Variants in LRP1B observed in about 807,000 individuals in gnomAD.
LRP1B encodes the protein low-density lipoprotein receptor-related protein 1B.
A neutral mutation model predicts 556.6 loss-of-function variants in LRP1B; 217 were observed. The ratio of observed to expected loss-of-function variants is 0.39; its 90% CI spans 0.35 to 0.44. LRP1B has a LOEUF of 0.44. Ranked by LOEUF, LRP1B falls within the 20% of genes least tolerant of loss-of-function variation. The pLI is 1.00. For synonymous variants in LRP1B, 2,047 were observed against 1,865.8 expected (o/e 1.10, Z -2.50); for missense variants, 5,053 against 5,620.8 (o/e 0.90, Z 3.23).
intron 41 of LRP1B, among the ~76,000 whole-genome samples, chr2:140,613,370 A>AATATATATATATTTATATACATATAAAT (rs796568812): frequency 3.5e-5 from 3 of 84,732 alleles, no homozygotes; most frequent in Non-Finnish European, 8.8e-5. Flanking sequence ...TATAAATATA[A>AATATATATATATTTATATACATATAAAT]ATATATATAA....
At chr2:140,624,241 C>A (rs946269644) in intron 41 of LRP1B, among the ~76,000 whole-genome samples, 4 of 151,954 alleles carry the variant, frequency 2.6e-5, no homozygotes, top group Non-Finnish European at 4.4e-5. Flanking sequence ...TTTAGGCCTA[C>A]TCACAAGGCA....
chr2:140,796,374 C>T (rs975719386), intron 32 of LRP1B, among the ~76,000 whole-genome samples: 6 of 151,940 alleles, frequency 3.9e-5, no homozygotes, highest in Admixed American at 2.0e-4. Flanking sequence ...AAGTAATTAG[C>T]ATTAAGAGGA....
At chr2:140,582,561 T>C (rs1180878093) in intron 43 of LRP1B, among the ~76,000 whole-genome samples, 2 of 152,164 alleles carry the variant, frequency 1.3e-5, no homozygotes, top group African/African-American at 4.8e-5. Context: ...CCCGTCCTTA[T>C]ACAAGAGCCT....
chr2:140,976,302 CCT>C (rs1256073256), intron 18 of LRP1B, among the ~76,000 whole-genome samples: 6 of 151,922 alleles, frequency 3.9e-5, no homozygotes, highest in East Asian at 1.9e-4. Flanking sequence ...CCTCTACTGT[CCT>C]CTCTTTTCTC....
chr2:141,462,874 A>G (rs867527358), intron 3 of LRP1B, among the ~76,000 whole-genome samples: 1 of 152,210 alleles, frequency 6.6e-6, no homozygotes, highest in Non-Finnish European at 1.5e-5. Context: ...TTAAGTATGA[A>G]TGGCTATTAT....
intron 41 of LRP1B, among the ~76,000 whole-genome samples, chr2:140,631,267 G>T (rs960061432): frequency 6.6e-6 from 1 of 152,058 alleles, no homozygotes; most frequent in South Asian, 2.1e-4. Flanking sequence ...ACAAAAATTT[G>T]CATGACATGC....
intron 1 of LRP1B, among the ~76,000 whole-genome samples, chr2:142,125,539 C>T (rs1246602812): frequency 6.6e-6 from 1 of 151,784 alleles, no homozygotes; most frequent in Non-Finnish European, 1.5e-5. Flanking sequence ...GAGATATTTT[C>T]ATTTTTTGTC....
chr2:141,797,267 C>CA (rs957280968), intron 2 of LRP1B, among the ~76,000 whole-genome samples: 20 of 141,192 alleles, frequency 1.4e-4, no homozygotes, highest in East Asian at 4.1e-4. Flanking sequence ...AAATCTCAGG[C>CA]AAAAAAAAAT....
chr2:140,350,321 T>G (rs971623482), intron 77 of LRP1B, among the ~76,000 whole-genome samples: 2 of 152,068 alleles, frequency 1.3e-5, no homozygotes, highest in African/African-American at 4.8e-5. Flanking sequence ...TCCTGAAATA[T>G]AGTTATCAGG....
chr2:140,854,766 C>T (rs2105128357), intron 27 of LRP1B, among the ~76,000 whole-genome samples: 1 of 152,142 alleles, frequency 6.6e-6, no homozygotes, highest in South Asian at 2.1e-4. Context: ...CAATAAAAAC[C>T]ACATGGCCCA....
intron 26 of LRP1B, 71 bp from the exon 27 acceptor site, chr2:140,867,905 C>A (rs2105154877): frequency 7.0e-7 from 1 of 1,423,682 alleles, no homozygotes; most frequent in East Asian, 2.4e-5. Context: ...AATCATGTAA[C>A]TCAGCTAAAT....
intron 7 of LRP1B, among the ~76,000 whole-genome samples, chr2:141,096,673 A>AGAGAGAGG (rs1700326449): frequency 1.5e-5 from 2 of 130,440 alleles, no homozygotes; most frequent in Non-Finnish European, 3.3e-5. Context: ...AGAGAGAGAG[A>AGAGAGAGG]GAGAGAGAGA....
intron 43 of LRP1B, among the ~76,000 whole-genome samples, chr2:140,554,313 A>G (rs1286626129): frequency 6.8e-6 from 1 of 146,292 alleles, no homozygotes; most frequent in African/African-American, 2.7e-5. Flanking sequence ...TTATATTTTT[A>G]TTTTCTTGCC....
intron 7 of LRP1B, among the ~76,000 whole-genome samples, chr2:141,181,057 T>C (rs1314317689): frequency 6.6e-6 from 1 of 151,990 alleles, no homozygotes; most frequent in African/African-American, 2.4e-5. Context: ...TTTTCATTTG[T>C]TAATGGTAAA....
At chr2:141,285,010 A>G (rs1685651856) in intron 3 of LRP1B, among the ~76,000 whole-genome samples, 1 of 152,148 alleles carries the variant, frequency 6.6e-6, no homozygotes, top group African/African-American at 2.4e-5. Context: ...TTAACATTGT[A>G]TTCAGGGACT....
rs377352035 is a variant in LRP1B, at chr2:140,247,153, G to C, written c.13257C>G (p.Thr4419=). Residue 4419 remains threonine, a synonymous_variant, in exon 87 of 91, where the codon ACC becomes ACG. Transcript: ENST00000389484. ...ETNVPVCLCS[T]NWSGTQCERP... ...TTTCACACTGTGTGCCTGACCAGTTGGTGGAGCATCTAAAAATATCCAAAC... is the reference window on the plus strand; with the variant it reads ...TTTCACACTGTGTGCCTGACCAGTTCGTGGAGCATCTAAAAATATCCAAAC... The C allele has an allele frequency of 2.5e-5, 40 of 1,607,804 alleles. No individual in the cohort carries two copies. In the African/African-American group the frequency reaches 4.8e-4, roughly 19 times the overall value.
At chr2:141,765,173 C>A (rs1247683339) in intron 2 of LRP1B, among the ~76,000 whole-genome samples, 4 of 152,166 alleles carry the variant, frequency 2.6e-5, no homozygotes, top group Admixed American at 2.6e-4. Context: ...TTTAGTATAA[C>A]CTGAGAGAAG....
chr2:141,120,920 T>C (rs1701031523), intron 7 of LRP1B, among the ~76,000 whole-genome samples: 1 of 151,996 alleles, frequency 6.6e-6, no homozygotes, highest in Non-Finnish European at 1.5e-5. Context: ...CATTGCACAC[T>C]GCAACTCTGC....
intron 7 of LRP1B, among the ~76,000 whole-genome samples, chr2:141,180,609 T>A (rs545390171): frequency 1.3e-4 from 19 of 151,944 alleles, no homozygotes; most frequent in Admixed American, 5.9e-4. Flanking sequence ...TCCTAAACTA[T>A]GTCTTTACAA....
Sources: gnomAD v4.1 joint callset for allele counts (sites outside exome capture counted in the v4.1 genomes callset) on GRCh38, gnomAD v4.1.1 for gene constraint, MANE v1.5 for transcripts, NCBI Gene and HGNC (gene_info 2026-07-23, HGNC 2026-07-21) for gene names.